SLMAP: variants seen among roughly 807,000 people sequenced by gnomAD.
SLMAP encodes sarcolemmal membrane-associated protein.
In SLMAP, 44 loss-of-function variants were observed where a neutral mutation model predicts 128.8. The observed-to-expected ratio is 0.34, with a 90% CI of 0.27 to 0.44. The LOEUF is 0.44. SLMAP is among the 20% of genes least tolerant of loss of function. The pLI, the probability that SLMAP is intolerant of heterozygous loss-of-function variation, is 1.00. For synonymous variants in SLMAP, 327 were observed against 348.8 expected, an observed-to-expected ratio of 0.94 and a Z score of 0.70; for missense variants, 787 against 985.3, an observed-to-expected ratio of 0.80 and a Z score of 2.69.
At position 57,928,069 on chromosome 3, in the gene SLMAP, C is replaced by T. The variant is rs1448698428; in HGVS notation, c.*780C>T. 6.6e-6 allele frequency: 1 copy of T among 152,476 alleles called. No individual in the cohort carries two copies. Among genetic ancestry groups the T allele is most frequent in the Non-Finnish European group, 1.5e-5 (1 of 68,014 alleles). The allele number at this position is 152,476 out of a possible 1,614,324, so 9.4% of individuals were successfully genotyped here. On this transcript the variant is annotated 3_prime_UTR_variant, in exon 25 of 25. Coordinates refer to ENST00000671191, the MANE Select transcript of SLMAP (RefSeq NM_001377540.1). Reference sequence around the variant, plus strand: ...TGTGGAGGACATCAACTTTGAAAAACTTTCCATGAGAGTGTATTTTCTTGA... The same window carrying T: ...TGTGGAGGACATCAACTTTGAAAAATTTTCCATGAGAGTGTATTTTCTTGA...
intron 6 of SLMAP, among the ~76,000 whole-genome samples, chr3:57,853,765 A>T (rs1347326653): frequency 2.0e-5 from 3 of 148,990 alleles, no homozygotes; most frequent in African/African-American, 7.4e-5. Context: ...ACATGGAGAA[A>T]CCCCCGTCTC....
intron 2 of SLMAP, among the ~76,000 whole-genome samples, chr3:57,797,344 C>T (rs910502713): frequency 3.3e-5 from 5 of 151,710 alleles, no homozygotes; most frequent in South Asian, 2.1e-4. Flanking sequence ...ATTAGCCAGG[C>T]GTGGTGGTGG....
At position 57,820,040 on chromosome 3, in the gene SLMAP, T is replaced by C. The variant is rs192044861; in HGVS notation, c.199-11343T>C. 2.0e-5 allele frequency among the ~76,000 whole-genome samples: 3 copies of C among 152,298 alleles called. No individual in the cohort carries two copies. The East Asian group carries it at 5.8e-4, about 29-fold the overall frequency. On this transcript the variant is annotated intron_variant, in intron 2 of 24. Transcript: ENST00000671191. Reference sequence around the variant, plus strand: ...CACTGGGATTACAGGTGTGAGCCACTGTGCCTGGTCTGTGTGAGGGTTTTT... The same window carrying C: ...CACTGGGATTACAGGTGTGAGCCACCGTGCCTGGTCTGTGTGAGGGTTTTT...
intron 15 of SLMAP, chr3:57,896,117 G>C (rs2096240892): frequency 2.5e-6 from 1 of 392,636 alleles, no homozygotes; most frequent in Non-Finnish European, 3.5e-6. Context: ...CTTCTTACTA[G>C]TGTTTTTATG....
At chr3:57,864,226 G>A (rs556880642) in intron 10 of SLMAP, among the ~76,000 whole-genome samples, 103 of 152,254 alleles carry the variant, frequency 6.8e-4, no homozygotes, top group African/African-American at 2.4e-3. Context: ...TGACCAACAT[G>A]GAGAAACCCC....
intron 6 of SLMAP, among the ~76,000 whole-genome samples, chr3:57,854,909 C>T (rs903013888): frequency 2.2e-4 from 33 of 152,278 alleles, no homozygotes; most frequent in African/African-American, 7.9e-4. Flanking sequence ...ATACATTGTA[C>T]TTACATAACC....
At chr3:57,861,769 C>T (rs2095076638) in intron 9 of SLMAP, among the ~76,000 whole-genome samples, 180 bp from the exon 10 acceptor site, 1 of 152,012 alleles carries the variant, frequency 6.6e-6, no homozygotes, top group African/African-American at 2.4e-5. Flanking sequence ...GTTATGTTTT[C>T]TGTTTTAGTG....
intron 17 of SLMAP, chr3:57,900,541 C>G (rs914499354): frequency 6.6e-6 from 1 of 152,220 alleles, no homozygotes; most frequent in African/African-American, 2.4e-5. Flanking sequence ...TCGGGCCGGA[C>G]GTAGTGGCTC....
chr3:57,807,660 A>T (rs2090153002), intron 2 of SLMAP, among the ~76,000 whole-genome samples: 1 of 152,184 alleles, frequency 6.6e-6, no homozygotes, highest in Non-Finnish European at 1.5e-5. Flanking sequence ...GTGGTGCATA[A>T]GCTTTTTGAT....
At chr3:57,855,719 A>C (rs539069962) in intron 6 of SLMAP, among the ~76,000 whole-genome samples, 3 of 149,102 alleles carry the variant, frequency 2.0e-5, no homozygotes, top group South Asian at 2.1e-4. Flanking sequence ...GTTAAAAAAA[A>C]AAAAAACAAA....
intron 2 of SLMAP, among the ~76,000 whole-genome samples, chr3:57,765,475 A>T (rs1012585769): frequency 6.6e-6 from 1 of 152,162 alleles, no homozygotes; most frequent in East Asian, 1.9e-4. Context: ...AGCAGGGATG[A>T]TACGGCATGT....
chr3:57,823,321 T>G (rs2153533642), intron 2 of SLMAP, among the ~76,000 whole-genome samples: 1 of 152,298 alleles, frequency 6.6e-6, no homozygotes, highest in East Asian at 1.9e-4. Flanking sequence ...CTGCACCCAT[T>G]AACTCGTCAT....
intron 3 of SLMAP, 63 bp from the exon 4 acceptor site, chr3:57,841,236 A>G: frequency 2.2e-6 from 2 of 916,396 alleles, no homozygotes; most frequent in South Asian, 3.2e-5. Context: ...TACATATGAG[A>G]GGTGTGAAGT....
intron 14 of SLMAP, among the ~76,000 whole-genome samples, chr3:57,880,038 C>G (rs376925827): frequency 6.6e-6 from 1 of 152,002 alleles, no homozygotes; most frequent in Non-Finnish European, 1.5e-5. Context: ...GAAGGGCTTC[C>G]TCCCTGTGGA....
chr3:57,789,698 T>A (rs949885570), intron 2 of SLMAP, among the ~76,000 whole-genome samples: 3 of 152,210 alleles, frequency 2.0e-5, no homozygotes, highest in African/African-American at 7.2e-5. Flanking sequence ...TATGGAAATG[T>A]TAAAACTCTG....
At chr3:57,816,703 A>G (rs2091902085) in intron 2 of SLMAP, among the ~76,000 whole-genome samples, 1 of 152,246 alleles carries the variant, frequency 6.6e-6, no homozygotes, top group South Asian at 2.1e-4. Context: ...TGTGAGAGTT[A>G]GCTGCTTAAC....
chr3:57,793,121 C>A (rs947843469), intron 2 of SLMAP, among the ~76,000 whole-genome samples: 16 of 107,960 alleles, frequency 1.5e-4, no homozygotes, highest in African/African-American at 5.9e-4. Flanking sequence ...CCAGGTGACA[C>A]CCTGTCTCAA....
At position 57,927,419 on chromosome 3, in the gene SLMAP, C is replaced by T; in HGVS notation, c.*130C>T. ...TTCCTTGAGTCCGTACACCGTCCTC[C>T]CTCTAGAAGCTGGCATCACACTCAT... On this transcript the variant is annotated 3_prime_UTR_variant, in exon 25 of 25. Transcript: ENST00000671191. 4 of 1,367,472 alleles carry T rather than the reference C, an allele frequency of 2.9e-6. No homozygotes were observed. Among genetic ancestry groups the T allele is most frequent in the Non-Finnish European group, 4.1e-6 (4 of 977,344 alleles). 84.7% of individuals were successfully genotyped at this position (1,367,472 alleles called of 1,614,324 possible).
intron 2 of SLMAP, among the ~76,000 whole-genome samples, chr3:57,803,189 A>G (rs1560042998): frequency 6.6e-6 from 1 of 152,164 alleles, no homozygotes; most frequent in Non-Finnish European, 1.5e-5. Flanking sequence ...AAAAATGGAA[A>G]TTGGGCATGT....
Sources: gnomAD v4.1 joint callset for allele counts (sites outside exome capture counted in the v4.1 genomes callset) on GRCh38, gnomAD v4.1.1 for gene constraint, MANE v1.5 for transcripts, NCBI Gene and HGNC (gene_info 2026-07-23, HGNC 2026-07-21) for gene names.